Variants in SRRM4 observed in about 807,000 individuals in gnomAD.
The protein encoded by SRRM4 is serine/arginine repetitive matrix protein 4.
SRRM4 carries 33 observed loss-of-function variants against 68.9 expected under a neutral mutation model. The ratio of observed to expected loss-of-function variants is 0.48; its 90% CI spans 0.36 to 0.64. The LOEUF is 0.64. Ranked by LOEUF, SRRM4 falls within the 30% of genes least tolerant of loss-of-function variation. The pLI is 0.00. For synonymous variants in SRRM4, 318 were observed against 318.8 expected (o/e 1.00, Z 0.03); for missense variants, 817 against 827.1 (o/e 0.99, Z 0.15).
At chr12:119,138,448 T>C (rs1481581717) in intron 8 of SRRM4, among the ~76,000 whole-genome samples, 1 of 152,110 alleles carries the variant, frequency 6.6e-6, no homozygotes, top group African/African-American at 2.4e-5. Flanking sequence ...CCAAAACCTA[T>C]TTTCTCTGCC....
At chr12:119,116,588 C>T (rs574781219) in intron 3 of SRRM4, among the ~76,000 whole-genome samples, 8 of 152,026 alleles carry the variant, frequency 5.3e-5, no homozygotes, top group Non-Finnish European at 1.0e-4. Context: ...GTCTTTAGGC[C>T]GGTCACTTCA....
chr12:119,063,961 G>T (rs1270274021), intron 1 of SRRM4, among the ~76,000 whole-genome samples: 1 of 152,074 alleles, frequency 6.6e-6, no homozygotes, highest in Non-Finnish European at 1.5e-5. Flanking sequence ...ATGATCCTGG[G>T]CTATATACTA....
chr12:119,130,777 C>T lies in SRRM4; in HGVS notation c.714C>T (p.Ser238=). The change falls in exon 8 of 13, where the codon TCC becomes TCT. Residue 238 remains serine (S), a synonymous_variant. Transcript: ENST00000267260. The stretch of plus-strand genomic sequence containing the variant: ...GCAAGGACAGCCCTGAGGCCCAGTC[C>T]AGTCGCCCGCCCAGTCAACCCCTCC... ...TLCKDSPEAQ[S]SRPPSQPLQM... The T allele has an allele frequency of 6.2e-7, 1 of 1,609,730 alleles. No individual in the cohort carries two copies. The highest frequency in any genetic ancestry group is 8.5e-7 in the Non-Finnish European group (1 of 1,179,804).
intron 1 of SRRM4, among the ~76,000 whole-genome samples, chr12:119,058,084 A>C (rs1953788217): frequency 2.0e-5 from 3 of 152,218 alleles, no homozygotes; most frequent in South Asian, 4.1e-4. Flanking sequence ...GTAGGTGCAA[A>C]GCATGTAACT....
chr12:119,131,856 T>C (rs7136574), intron 8 of SRRM4, among the ~76,000 whole-genome samples: 84,469 of 152,064 alleles, frequency 0.56, 23,704 homozygotes, highest in South Asian at 0.63. Flanking sequence ...AAGGGACTGT[T>C]TTCTCTAGCT....
At chr12:119,110,544 C>T (rs990626307) in intron 2 of SRRM4, among the ~76,000 whole-genome samples, 7 of 152,214 alleles carry the variant, frequency 4.6e-5, no homozygotes, top group Non-Finnish European at 1.0e-4. Context: ...CCTGCCCCAG[C>T]CTCGCTGCCG....
chr12:119,152,319 T>C (rs564233438), intron 10 of SRRM4, among the ~76,000 whole-genome samples: 1 of 152,212 alleles, frequency 6.6e-6, no homozygotes, highest in South Asian at 2.1e-4. Context: ...GTGACATAAA[T>C]AGAAGAGCAA....
chr12:118,992,267 G>A (rs1953321608), intron 1 of SRRM4: 1 of 152,162 alleles, frequency 6.6e-6, no homozygotes, highest in Admixed American at 6.5e-5. Flanking sequence ...GAACTTCTCT[G>A]CTGCAACCAG....
intron 1 of SRRM4, among the ~76,000 whole-genome samples, chr12:119,012,796 G>A (rs184028167): frequency 3.9e-5 from 6 of 152,136 alleles, no homozygotes; most frequent in African/African-American, 9.6e-5. Context: ...GTGCATTTCC[G>A]CTTTTCTTGT....
chr12:119,113,307 T>G (rs1954156461), intron 2 of SRRM4, among the ~76,000 whole-genome samples: 1 of 152,178 alleles, frequency 6.6e-6, no homozygotes, highest in South Asian at 2.1e-4. Context: ...CAAACAAGTT[T>G]GAGAAGGCAG....
chr12:119,007,000 G>A (rs1953420470), intron 1 of SRRM4, among the ~76,000 whole-genome samples: 1 of 152,286 alleles, frequency 6.6e-6, no homozygotes, highest in Admixed American at 6.5e-5. Context: ...GCTGGCAGAT[G>A]GTCTCCTAAG....
intron 1 of SRRM4, among the ~76,000 whole-genome samples, chr12:119,009,135 G>C (rs776428347): frequency 5.9e-5 from 9 of 152,104 alleles, no homozygotes; most frequent in Non-Finnish European, 1.0e-4. Flanking sequence ...GCTTTTGTGC[G>C]GCCCTCCCAG....
intron 1 of SRRM4, among the ~76,000 whole-genome samples, chr12:119,022,506 CAAG>C (rs1196173287): frequency 6.6e-6 from 1 of 152,136 alleles, no homozygotes; most frequent in African/African-American, 2.4e-5. Flanking sequence ...AGCCAGATGC[CAAG>C]AAGAACTTCC....
chr12:119,006,400 T>TAG (rs1953416598), intron 1 of SRRM4, among the ~76,000 whole-genome samples: 1 of 152,096 alleles, frequency 6.6e-6, no homozygotes, highest in Non-Finnish European at 1.5e-5. Context: ...ATAGAAAAAT[T>TAG]GAAAAGTCCC....
chr12:119,069,697 G>C (rs937827157), intron 1 of SRRM4: 1 of 152,166 alleles, frequency 6.6e-6, no homozygotes, highest in Non-Finnish European at 1.5e-5. Context: ...TAAGAGAAAA[G>C]AATGAATGTT....
intron 1 of SRRM4, among the ~76,000 whole-genome samples, chr12:119,095,321 A>G (rs1198130295): frequency 1.3e-5 from 2 of 152,196 alleles, no homozygotes; most frequent in Non-Finnish European, 2.9e-5. Context: ...GTCTAGGCCT[A>G]CATTCTCTAT....
At chr12:118,993,469 C>A (rs1348965605) in intron 1 of SRRM4, among the ~76,000 whole-genome samples, 1 of 152,162 alleles carries the variant, frequency 6.6e-6, no homozygotes, top group Admixed American at 6.5e-5. Context: ...GAGTGGGCCC[C>A]CAAAATTGAA....
intron 7 of SRRM4, among the ~76,000 whole-genome samples, chr12:119,126,198 A>G (rs1181353443): frequency 1.3e-5 from 2 of 151,392 alleles, no homozygotes; most frequent in African/African-American, 4.9e-5. Context: ...TAATTTCTGT[A>G]TCTGTAGTAG....
At chr12:119,128,980 G>A (rs1045298222) in intron 7 of SRRM4, among the ~76,000 whole-genome samples, 1 of 152,160 alleles carries the variant, frequency 6.6e-6, no homozygotes, top group Admixed American at 6.5e-5. Flanking sequence ...TGGCACGCAG[G>A]TTACACATTC....
Sources: gnomAD v4.1 joint callset for allele counts (sites outside exome capture counted in the v4.1 genomes callset) on GRCh38, gnomAD v4.1.1 for gene constraint, MANE v1.5 for transcripts, NCBI Gene and HGNC (gene_info 2026-07-23, HGNC 2026-07-21) for gene names.